LPP: variants seen among roughly 807,000 people sequenced by gnomAD.
LPP encodes LIM domain containing preferred translocation partner in lipoma, also known as lipoma-preferred partner.
A neutral mutation model predicts 60.4 loss-of-function variants in LPP; 38 were observed. That is an observed-to-expected ratio of 0.63 (90% CI 0.49 to 0.83). LPP has a LOEUF of 0.83. Ranked by LOEUF, LPP falls within the 40% of genes least tolerant of loss-of-function variation. The pLI, the probability that LPP is intolerant of heterozygous loss-of-function variation, is 0.00. For synonymous variants in LPP, 328 were observed against 290.8 expected (o/e 1.13, Z -1.30); for missense variants, 902 against 783.6 (o/e 1.15, Z -1.80).
At chr3:188,604,174 C>T (rs1262936056) in intron 6 of LPP, among the ~76,000 whole-genome samples, 1 of 151,898 alleles carries the variant, frequency 6.6e-6, no homozygotes, top group Admixed American at 6.6e-5. Context: ...CTTTCTTTGT[C>T]TCATAGTGAA....
At chr3:188,848,008 C>T (rs370109065) in intron 9 of LPP, among the ~76,000 whole-genome samples, 1 of 152,196 alleles carries the variant, frequency 6.6e-6, no homozygotes, top group Non-Finnish European at 1.5e-5. Flanking sequence ...TTGTGGGACC[C>T]TGACGGTAAG....
At chr3:188,273,149 C>T (rs775331149) in intron 2 of LPP, among the ~76,000 whole-genome samples, 2 of 152,188 alleles carry the variant, frequency 1.3e-5, no homozygotes, top group African/African-American at 2.4e-5. Flanking sequence ...CTGCCCCCAC[C>T]ACCCACAGCC....
chr3:188,779,290 T>C lies in LPP; in HGVS notation c.1410+19008T>C, dbSNP rs150412890. ...TATTCCTTAGGTGAGTAAAACTGAA[T>C]TGTAAAGTGGATGCTATGGACCATG... On this transcript the variant is annotated intron_variant, in intron 9 of 11. Transcript: ENST00000617246. Among the ~76,000 whole-genome samples the C allele has an allele frequency of 9.2e-5, 14 of 152,208 alleles. No homozygotes were observed. In the East Asian group the frequency reaches 9.7e-4, roughly 11 times the overall value.
intron 2 of LPP, among the ~76,000 whole-genome samples, chr3:188,226,391 G>A (rs893406030): frequency 1.3e-5 from 2 of 152,160 alleles, no homozygotes; most frequent in Non-Finnish European, 2.9e-5. Flanking sequence ...GTTTTAAAGG[G>A]CCTGCCAGAG....
At chr3:188,644,694 A>G (rs1304386638) in intron 7 of LPP, among the ~76,000 whole-genome samples, 1 of 152,216 alleles carries the variant, frequency 6.6e-6, no homozygotes, top group Non-Finnish European at 1.5e-5. Flanking sequence ...GTGGAAGCCA[A>G]AATTTTTTAT....
At chr3:188,807,409 A>G (rs986168410) in intron 9 of LPP, among the ~76,000 whole-genome samples, 2 of 151,754 alleles carry the variant, frequency 1.3e-5, no homozygotes, top group African/African-American at 4.8e-5. Flanking sequence ...TTGGTTGTTT[A>G]TTCTTTAGAA....
rs141081004 is a variant in LPP at position 188,760,496 on chromosome 3, C to T, written c.1410+214C>T. ...TTTCTACACATCCCCCATTCATAAG[C>T]AGTCAGAAAGGTGTATTAGCATGGG... On this transcript the variant is annotated intron_variant, in intron 9 of 11. Coordinates refer to ENST00000617246, the MANE Select transcript of LPP (RefSeq NM_001375462.1). Among the ~76,000 whole-genome samples the T allele has an allele frequency of 3.8e-3, 581 of 151,914 alleles. 5 individuals are homozygous for T. The highest frequency in any genetic ancestry group is 0.013 in the African/African-American group (550 of 41,404).
At chr3:188,503,020 T>G (rs1812358745) in intron 5 of LPP, among the ~76,000 whole-genome samples, 1 of 152,082 alleles carries the variant, frequency 6.6e-6, no homozygotes, top group Admixed American at 6.5e-5. Context: ...TTTATATTTA[T>G]TTTCTATATG....
intron 8 of LPP, among the ~76,000 whole-genome samples, chr3:188,718,834 T>C (rs1715166238): frequency 6.6e-6 from 1 of 152,202 alleles, no homozygotes; most frequent in East Asian, 1.9e-4. Flanking sequence ...TTTAGCACCT[T>C]ATAAAATCAT....
Position 188,882,893 on chromosome 3 carries a change from C to T in LPP, c.*8414C>T, listed in dbSNP as rs1401143363. 3 of 181,512 alleles carry T rather than the reference C, an allele frequency of 1.7e-5. No individual in the cohort carries two copies. Among genetic ancestry groups the T allele is most frequent in the Non-Finnish European group, 3.5e-5 (3 of 85,144 alleles). The allele number at this position is 181,512 out of a possible 1,614,324, so 11.2% of individuals were successfully genotyped here. On this transcript the variant is annotated 3_prime_UTR_variant, in exon 12 of 12. Transcript: ENST00000617246. ...AGCTGGGACTACAGACGCCCGCCAC[C>T]GCGCCCAGCTAATTTTTTTTGTACT...
intron 7 of LPP, among the ~76,000 whole-genome samples, chr3:188,675,563 C>T (rs986270053): frequency 1.3e-5 from 2 of 152,142 alleles, no homozygotes; most frequent in African/African-American, 4.8e-5. Context: ...CTGTGCTAAG[C>T]TTAGAAGCCA....
chr3:188,817,583 C>T (rs2151401881), intron 9 of LPP, among the ~76,000 whole-genome samples: 1 of 152,252 alleles, frequency 6.6e-6, no homozygotes, highest in South Asian at 2.1e-4. Context: ...CATATCACAC[C>T]TTCTTACATT....
intron 7 of LPP, among the ~76,000 whole-genome samples, chr3:188,670,861 A>G (rs923059732): frequency 6.6e-6 from 1 of 152,212 alleles, no homozygotes; most frequent in African/African-American, 2.4e-5. Flanking sequence ...TTGGAGCGCT[A>G]CCATGATTAA....
intron 6 of LPP, among the ~76,000 whole-genome samples, chr3:188,583,259 A>G (rs1388128540): frequency 6.6e-6 from 1 of 152,158 alleles, no homozygotes; most frequent in Non-Finnish European, 1.5e-5. Flanking sequence ...GTATACATGA[A>G]GAAGATGTGT....
At chr3:188,640,644 C>T (rs114701407) in intron 7 of LPP, among the ~76,000 whole-genome samples, 2,584 of 151,292 alleles carry the variant, frequency 0.017, 30 homozygotes, top group South Asian at 0.034. Context: ...ATCTTTTTTA[C>T]AATAGAAGTG....
At chr3:188,245,942 A>G (rs1726807778) in intron 2 of LPP, among the ~76,000 whole-genome samples, 1 of 152,248 alleles carries the variant, frequency 6.6e-6, no homozygotes. Context: ...CAGGAAAAGG[A>G]AAAATTTCTG....
chr3:188,398,784 G>T (rs1167095462), intron 3 of LPP, among the ~76,000 whole-genome samples: 2 of 152,164 alleles, frequency 1.3e-5, no homozygotes, highest in African/African-American at 4.8e-5. Context: ...GTTTGGAAAA[G>T]GTTTGCCTAA....
chr3:188,780,731 CCATTCT>C (rs1739372456), intron 9 of LPP, among the ~76,000 whole-genome samples: 1 of 152,186 alleles, frequency 6.6e-6, no homozygotes, highest in African/African-American at 2.4e-5. Context: ...TCCCACCCCG[CCATTCT>C]CATTCTCATT....
At chr3:188,519,228 A>G in intron 5 of LPP, among the ~76,000 whole-genome samples, 1 of 152,178 alleles carries the variant, frequency 6.6e-6, no homozygotes, top group South Asian at 2.1e-4. Flanking sequence ...ACTCAGCATC[A>G]CCAAGCATGG....
Sources: gnomAD v4.1 joint callset for allele counts (sites outside exome capture counted in the v4.1 genomes callset) on GRCh38, gnomAD v4.1.1 for gene constraint, MANE v1.5 for transcripts, NCBI Gene and HGNC (gene_info 2026-07-23, HGNC 2026-07-21) for gene names.